SRD5A2: variants seen among roughly 807,000 people sequenced by gnomAD.
SRD5A2 encodes the protein 3-oxo-5-alpha-steroid 4-dehydrogenase 2.
Under a neutral mutation model 27.4 loss-of-function variants are expected in SRD5A2, and 30 were observed. That is an observed-to-expected ratio of 1.10 (90% CI 0.82 to 1.49). SRD5A2 has a LOEUF of 1.49. Ranked by LOEUF, SRD5A2 falls within the 40% of genes most tolerant of loss-of-function variation. SRD5A2 has a pLI of 0.00. For synonymous variants in SRD5A2, 141 were observed against 133.6 expected (o/e 1.06, Z -0.38); for missense variants, 348 against 323.4 (o/e 1.08, Z -0.58).
chr2:31,531,163 G>A (rs1308942703), intron 3 of SRD5A2, among the ~76,000 whole-genome samples: 1 of 152,202 alleles, frequency 6.6e-6, no homozygotes, highest in Non-Finnish European at 1.5e-5. Context: ...CTTCCTGAGG[G>A]CTCTGGTAGC....
chr2:31,632,365 A>G, the SRD5A2 span, among the ~76,000 whole-genome samples: 1 of 152,226 alleles, frequency 6.6e-6, no homozygotes, highest in African/African-American at 2.4e-5. Flanking sequence ...AGACACTTTA[A>G]AAAAGATTGT....
At chr2:31,591,985 T>C in the SRD5A2 span, among the ~76,000 whole-genome samples, 461 of 147,546 alleles carry the variant, frequency 3.1e-3, 3 homozygotes, top group Middle Eastern at 6.9e-3. Flanking sequence ...ATACCTAATG[T>C]TAAATGACGA....
At chr2:31,600,922 T>C in the SRD5A2 span, among the ~76,000 whole-genome samples, 1 of 151,886 alleles carries the variant, frequency 6.6e-6, no homozygotes, top group East Asian at 1.9e-4. Flanking sequence ...GTGTGATACA[T>C]TATATCTACA....
the SRD5A2 span, among the ~76,000 whole-genome samples, chr2:31,592,672 T>C: frequency 6.6e-6 from 1 of 152,136 alleles, no homozygotes; most frequent in Admixed American, 6.5e-5. Flanking sequence ...CATCAAGGGA[T>C]CATCTGTGGG....
the SRD5A2 span, among the ~76,000 whole-genome samples, chr2:31,616,974 G>C: frequency 6.6e-6 from 1 of 152,074 alleles, no homozygotes; most frequent in South Asian, 2.1e-4. Flanking sequence ...CCTTCATACT[G>C]TTCTTGTGGT....
the SRD5A2 span, among the ~76,000 whole-genome samples, chr2:31,622,066 C>T: frequency 6.6e-6 from 1 of 152,040 alleles, no homozygotes; most frequent in African/African-American, 2.4e-5. Context: ...TATCCCATCA[C>T]CTAGGTATTA....
At chr2:31,634,764 T>C in the SRD5A2 span, among the ~76,000 whole-genome samples, 1 of 152,146 alleles carries the variant, frequency 6.6e-6, no homozygotes, top group African/African-American at 2.4e-5. Flanking sequence ...AGCTCCCACA[T>C]ATAAATGAGA....
At chr2:31,611,577 A>G in the SRD5A2 span, among the ~76,000 whole-genome samples, 1 of 152,224 alleles carries the variant, frequency 6.6e-6, no homozygotes, top group Non-Finnish European at 1.5e-5. Flanking sequence ...CAAAACACCA[A>G]TTAAGTATGA....
At chr2:31,565,434 A>C (rs1666710954) in intron 1 of SRD5A2, among the ~76,000 whole-genome samples, 1 of 151,860 alleles carries the variant, frequency 6.6e-6, no homozygotes. Flanking sequence ...AAAATTGAAC[A>C]GTATGCCACC....
chr2:31,598,545 T>C, the SRD5A2 span, among the ~76,000 whole-genome samples: 1 of 152,038 alleles, frequency 6.6e-6, no homozygotes, highest in Non-Finnish European at 1.5e-5. Flanking sequence ...TTTCTATTAG[T>C]TTTATTTTTT....
chr2:31,550,817 A>G (rs1318521182), intron 1 of SRD5A2, among the ~76,000 whole-genome samples: 1 of 152,016 alleles, frequency 6.6e-6, no homozygotes, highest in Non-Finnish European at 1.5e-5. Flanking sequence ...AAGATCGTGA[A>G]CAAGACAAAG....
At chr2:31,541,533 G>GCA in intron 1 of SRD5A2, among the ~76,000 whole-genome samples, 1 of 152,094 alleles carries the variant, frequency 6.6e-6, no homozygotes. Context: ...TGGCCAAACT[G>GCA]AACCTTGCAA....
intron 2 of SRD5A2, among the ~76,000 whole-genome samples, chr2:31,531,811 C>T (rs1043966838): frequency 2.6e-5 from 4 of 152,310 alleles, no homozygotes; most frequent in Middle Eastern, 3.4e-3. Context: ...TTAGCTCATT[C>T]ACAAACAGTC....
intron 1 of SRD5A2, among the ~76,000 whole-genome samples, chr2:31,572,615 T>C (rs558013414): frequency 3.3e-4 from 51 of 152,266 alleles, no homozygotes; most frequent in African/African-American, 1.2e-3. Context: ...CCCAATACAC[T>C]AGAACTTAGA....
the SRD5A2 span, among the ~76,000 whole-genome samples, chr2:31,656,447 G>T: frequency 1.3e-5 from 2 of 152,114 alleles, no homozygotes; most frequent in African/African-American, 4.8e-5. Flanking sequence ...CAATATTCAT[G>T]TTGAAACTGA....
At chr2:31,611,375 A>G in the SRD5A2 span, among the ~76,000 whole-genome samples, 3 of 152,326 alleles carry the variant, frequency 2.0e-5, no homozygotes, top group South Asian at 6.2e-4. Flanking sequence ...AACAATTCTG[A>G]AACTCAAGAC....
chr2:31,564,582 C>T (rs1447386927), intron 1 of SRD5A2, among the ~76,000 whole-genome samples: 1 of 151,852 alleles, frequency 6.6e-6, no homozygotes, highest in Non-Finnish European at 1.5e-5. Context: ...AATATAAATA[C>T]ACCAAGGAAT....
In SRD5A2 at chr2:31,531,431, T is replaced by C; in HGVS notation, c.487A>G (p.Ser163Gly). 6.2e-7 allele frequency: 1 copy of C among 1,601,102 alleles called. No individual in the cohort carries two copies. ...CTGAGCTGGCGCAATATATAGTCAC[T>C]ATGAATGTTTATTCCCATTCCCAAA... is the stretch of plus-strand genomic sequence containing the variant. ...FILGMGINIH[S>G]DYILRQLRKP... Residue 163 changes from serine (S) to glycine (G), a missense_variant, in exon 3 of 5, where the codon AGT becomes GGT. Ser to Gly is a moderately conservative substitution (Grantham distance 56). Coordinates refer to ENST00000622030, the MANE Select transcript of SRD5A2 (RefSeq NM_000348.4).
chr2:31,553,607 A>G (rs575632556), intron 1 of SRD5A2, among the ~76,000 whole-genome samples: 94 of 152,352 alleles, frequency 6.2e-4, no homozygotes, highest in Non-Finnish European at 1.1e-3. Context: ...ACACCAGAAG[A>G]CAGTGGAATG....
Sources: allele counts gnomAD v4.1 joint callset (sites outside exome capture counted in the v4.1 genomes callset), GRCh38; gene constraint gnomAD v4.1.1; transcripts MANE v1.5; gene names NCBI Gene and HGNC (gene_info 2026-07-23, HGNC 2026-07-21).